Variants in FASLG observed in about 807,000 individuals in gnomAD.
The protein encoded by FASLG is Fas ligand, also known as tumor necrosis factor ligand superfamily member 6.
FASLG carries 9 observed loss-of-function variants against 24.6 expected under a neutral mutation model. The observed-to-expected ratio is 0.37, with a 90% CI of 0.22 to 0.64. The LOEUF (loss-of-function observed/expected upper bound fraction) is 0.64, where lower values mean the gene tolerates loss of function less well. FASLG is among the 30% of genes least tolerant of loss of function. The pLI is 0.64. For missense variants in FASLG, 306 were observed against 345.3 expected (o/e 0.89, Z 0.90); for synonymous variants, 130 against 135.5 (o/e 0.96, Z 0.28).
At chr1:172,664,503 A>G in intron 3 of FASLG, 113 bp downstream of exon 3, 2 of 992,784 alleles carry the variant, frequency 2.0e-6, no homozygotes, top group Non-Finnish European at 3.2e-6. Context: ...TGGAGACAGT[A>G]TTTGAACCCA....
In FASLG at chr1:172,659,398, T is replaced by C; in HGVS notation, c.197T>C (p.Leu66Pro). 6.2e-7 allele frequency: 1 copy of C among 1,611,822 alleles called. No homozygotes were observed. Among genetic ancestry groups the C allele is most frequent in the Non-Finnish European group, 8.5e-7 (1 of 1,178,674 alleles). Residue 66 changes from leucine (L) to proline (P), a missense_variant, in exon 1 of 4, where the codon CTA becomes CCA. Physicochemically the swap from Leu to Pro is moderately conservative, Grantham distance 98. Transcript: ENST00000367721. ...CCGCCGCCGCCACCACTGCCTCCACTACCGCTGCCACCCCTGAAGAAGAGA... is the reference window on the plus strand; with the variant it reads ...CCGCCGCCGCCACCACTGCCTCCACCACCGCTGCCACCCCTGAAGAAGAGA... ...PPPPPPPLPP[L>P]PLPPLKKRGN... is the part of the protein sequence containing the mutation.
chr1:172,663,572 G>C (rs1396736482), intron 2 of FASLG, among the ~76,000 whole-genome samples: 1 of 152,124 alleles, frequency 6.6e-6, no homozygotes, highest in East Asian at 1.9e-4. Context: ...GGAAAGTGGG[G>C]GTATGTGTAG....
At chr1:172,663,081 A>G (rs1220714555) in intron 2 of FASLG, among the ~76,000 whole-genome samples, 1 of 152,224 alleles carries the variant, frequency 6.6e-6, no homozygotes, top group East Asian at 1.9e-4. Context: ...GACATAGACA[A>G]GCATCTCCTG....
intron 2 of FASLG, 102 bp from the exon 3 acceptor site, chr1:172,664,231 CG>C: frequency 8.2e-7 from 1 of 1,222,446 alleles, no homozygotes; most frequent in South Asian, 1.3e-5. Flanking sequence ...TTGCCATTTA[CG>C]GTTTTAAAAT....
chr1:172,665,008 C>T (rs1659229047), intron 3 of FASLG, among the ~76,000 whole-genome samples: 1 of 152,202 alleles, frequency 6.6e-6, no homozygotes, highest in Admixed American at 6.5e-5. Flanking sequence ...TTACTGAATA[C>T]CTGCTGTGTG....
At chr1:172,661,648 C>A (rs1659144476) in intron 2 of FASLG, among the ~76,000 whole-genome samples, 1 of 151,812 alleles carries the variant, frequency 6.6e-6, no homozygotes, top group Non-Finnish European at 1.5e-5. Context: ...CTAGATCAAC[C>A]CAAATAAACC....
At chr1:172,659,956 C>T (rs541791449) in intron 1 of FASLG, 139 bp from the exon 2 acceptor site, 2 of 916,744 alleles carry the variant, frequency 2.2e-6, no homozygotes, top group Non-Finnish European at 3.3e-6. Context: ...GGCAAAATTG[C>T]TTGGCCAAAG....
Position 172,659,389 on chromosome 1 carries a change from T to C in FASLG, c.188T>C (p.Leu63Pro). ...CCACCTCCGCCGCCGCCGCCACCAC[T>C]GCCTCCACTACCGCTGCCACCCCTG... ...PLPPPPPPPP[L>P]PPLPLPPLKK... Residue 63 changes from leucine to proline, a missense_variant, in exon 1 of 4, where the codon CTG becomes CCG. Transcript: ENST00000367721. 6.2e-7 allele frequency: 1 copy of C among 1,611,012 alleles called. No homozygotes were observed. The highest frequency in any genetic ancestry group is 8.5e-7 in the Non-Finnish European group (1 of 1,178,264).
At position 172,666,134 on chromosome 1, in the gene FASLG, T is replaced by C. The variant is rs1240794035; in HGVS notation, c.*118T>C. On this transcript the variant is annotated 3_prime_UTR_variant, in exon 4 of 4. Coordinates refer to ENST00000367721, the MANE Select transcript of FASLG (RefSeq NM_000639.3). ...GTCAAGTAAGAAGACATGAACCAAG[T>C]GGACCTTGAGACCACAGGGTTCAAA... is the stretch of plus-strand genomic sequence containing the variant. The C allele has an allele frequency of 7.8e-7, 1 of 1,278,792 alleles. No individual in the cohort carries two copies. Among genetic ancestry groups the C allele is most frequent in the Non-Finnish European group, 1.1e-6 (1 of 906,396 alleles). 79.2% of individuals were successfully genotyped at this position (1,278,792 alleles called of 1,614,324 possible).
rs1205721054 is a variant in FASLG at position 172,666,317 on chromosome 1, T to C, written c.*301T>C. The stretch of plus-strand genomic sequence containing the variant: ...ACTCATCTTAGTGCCTGAGAGTATT[T>C]AGGCAGATTGAAAAGGACACCTTTT... On this transcript the variant is annotated 3_prime_UTR_variant, in exon 4 of 4. Transcript: ENST00000367721. The C allele has an allele frequency of 1.1e-5, 4 of 372,438 alleles. No individual in the cohort carries two copies. The highest frequency in any genetic ancestry group is 2.0e-5 in the Non-Finnish European group (4 of 199,454). 23.1% of individuals were successfully genotyped at this position (372,438 alleles called of 1,614,324 possible).
chr1:172,659,426 G>C lies in FASLG; in HGVS notation c.225G>C (p.Gly75=), dbSNP rs761614632. Residue 75 remains glycine, a synonymous_variant, in exon 1 of 4, where the codon GGG becomes GGC. Transcript: ENST00000367721. ...PLPLPPLKKR[G]NHSTGLCLLV... ...CGCTGCCACCCCTGAAGAAGAGAGG[G>C]AACCACAGCACAGGCCTGTGTCTCC... is the stretch of plus-strand genomic sequence containing the variant. 1 of 1,613,584 alleles carries C rather than the reference G, an allele frequency of 6.2e-7. No homozygotes were observed. Among genetic ancestry groups the C allele is most frequent in the African/African-American group, 1.3e-5 (1 of 75,026 alleles).
chr1:172,666,234 C>T lies in FASLG; in HGVS notation c.*218C>T, dbSNP rs1170988600. ...AGGAATATGACGGAAGAACATAGAACTCTGGGCTGCCATGTGAAGAGGGAG... is the reference window on the plus strand; with the variant it reads ...AGGAATATGACGGAAGAACATAGAATTCTGGGCTGCCATGTGAAGAGGGAG... On this transcript the variant is annotated 3_prime_UTR_variant, in exon 4 of 4. Transcript: ENST00000367721. 3 of 587,156 alleles carry T rather than the reference C, an allele frequency of 5.1e-6. No homozygotes were observed. The highest frequency in any genetic ancestry group is 2.9e-5 in the East Asian group (1 of 34,340). 36.4% of individuals were successfully genotyped at this position (587,156 alleles called of 1,614,324 possible).
Position 172,665,753 on chromosome 1 carries a change from G to A in FASLG, c.583G>A (p.Val195Ile). 1 of 1,614,124 alleles carries A rather than the reference G, an allele frequency of 6.2e-7. No homozygotes were observed. Among genetic ancestry groups the A allele is most frequent in the Non-Finnish European group, 8.5e-7 (1 of 1,180,038 alleles). ...ETGLYFVYSK[V>I]YFRGQSCNNL... ...TGGGCTGTACTTTGTATATTCCAAAGTATACTTCCGGGGTCAATCTTGCAA... is the reference window on the plus strand; with the variant it reads ...TGGGCTGTACTTTGTATATTCCAAAATATACTTCCGGGGTCAATCTTGCAA... The change falls in exon 4 of 4, where the codon GTA (valine) becomes ATA (isoleucine). Residue 195 changes from valine (V) to isoleucine (I), a missense_variant. Transcript: ENST00000367721.
chr1:172,659,846 CA>C (rs1659099979), intron 1 of FASLG, among the ~76,000 whole-genome samples: 1 of 152,038 alleles, frequency 6.6e-6, no homozygotes, highest in African/African-American at 2.4e-5. Flanking sequence ...AACAAACAAA[CA>C]AAACTTTTAA....
In FASLG at chr1:172,659,569, G is replaced by T; in HGVS notation, c.348+20G>T. Reference sequence around the variant, plus strand: ...CGAGAGGTAAGCCTGCCGGCAGACTGCTGTGCCCTGGAGGCACCAGGCATA... The same window carrying T: ...CGAGAGGTAAGCCTGCCGGCAGACTTCTGTGCCCTGGAGGCACCAGGCATA... On this transcript the variant is annotated intron_variant, in intron 1 of 3. Transcript: ENST00000367721. The T allele has an allele frequency of 6.2e-7, 1 of 1,612,506 alleles. No homozygotes were observed. Among genetic ancestry groups the T allele is most frequent in the South Asian group, 1.1e-5 (1 of 90,900 alleles).
chr1:172,666,248 G>C lies in FASLG; in HGVS notation c.*232G>C. 1.8e-6 allele frequency: 1 copy of C among 557,208 alleles called. No individual in the cohort carries two copies. The highest frequency in any genetic ancestry group is 3.2e-6 in the Non-Finnish European group (1 of 313,266). The allele number at this position is 557,208 out of a possible 1,614,324, so 34.5% of individuals were successfully genotyped here. A position where few individuals can be genotyped will look rare whatever the true frequency, so the allele number is the denominator to read the frequency against. On this transcript the variant is annotated 3_prime_UTR_variant, in exon 4 of 4. Coordinates refer to ENST00000367721, the MANE Select transcript of FASLG (RefSeq NM_000639.3). ...AGAACATAGAACTCTGGGCTGCCAT[G>C]TGAAGAGGGAGAAGCATGAAAAAGC...
intron 2 of FASLG, among the ~76,000 whole-genome samples, chr1:172,661,851 A>G (rs1291193021): frequency 2.0e-5 from 3 of 152,220 alleles, no homozygotes; most frequent in Non-Finnish European, 4.4e-5. Context: ...GTAAATTGCT[A>G]TAACTTTTTT....
intron 3 of FASLG, among the ~76,000 whole-genome samples, chr1:172,664,908 T>C (rs1242319659): frequency 6.6e-6 from 1 of 152,136 alleles, no homozygotes; most frequent in Non-Finnish European, 1.5e-5. Flanking sequence ...ACATAAATAA[T>C]GGAATAAATA....
At position 172,665,909 on chromosome 1, in the gene FASLG, G is replaced by T. The variant is rs1437183688; in HGVS notation, c.739G>T (p.Ala247Ser). ...GTGGGCCCGCAGCAGCTACCTGGGGGCAGTGTTCAATCTTACCAGTGCTGA... is the reference window on the plus strand; with the variant it reads ...GTGGGCCCGCAGCAGCTACCTGGGGTCAGTGTTCAATCTTACCAGTGCTGA... ...QMWARSSYLG[A>S]VFNLTSADHL... is the part of the protein sequence containing the mutation. Residue 247 changes from alanine (A) to serine (S), a missense_variant, in exon 4 of 4, where the codon GCA becomes TCA. Physicochemically the swap from Ala to Ser is moderately conservative, Grantham distance 99. Transcript: ENST00000367721. 1 of 1,611,754 alleles carries T rather than the reference G, an allele frequency of 6.2e-7. No individual in the cohort carries two copies. The highest frequency in any genetic ancestry group is 1.3e-5 in the African/African-American group (1 of 74,938).
Sources: gnomAD v4.1 joint callset for allele counts (sites outside exome capture counted in the v4.1 genomes callset) on GRCh38, gnomAD v4.1.1 for gene constraint, MANE v1.5 for transcripts, NCBI Gene and HGNC (gene_info 2026-07-23, HGNC 2026-07-21) for gene names.